Variants in CTNNA2 observed in about 807,000 individuals in gnomAD.
The protein encoded by CTNNA2 is catenin alpha 2.
In CTNNA2, 42 loss-of-function variants were observed where a neutral mutation model predicts 101.0. The observed-to-expected ratio is 0.42, with a 90% confidence interval of 0.32 to 0.54. The LOEUF (loss-of-function observed/expected upper bound fraction) is 0.54. CTNNA2 is among the 20% of genes least tolerant of loss of function. The pLI is 0.14. For synonymous variants in CTNNA2, 450 were observed against 456.4 expected, an observed-to-expected ratio of 0.99 and a Z score of 0.18; for missense variants, 871 against 1,223.1, an observed-to-expected ratio of 0.71 and a Z score of 4.29.
intron 7 of CTNNA2, among the ~76,000 whole-genome samples, chr2:79,933,523 C>A (rs535126824): frequency 6.6e-6 from 1 of 151,214 alleles, no homozygotes; most frequent in Admixed American, 6.6e-5. Context: ...GGCAAGATCT[C>A]GGCTCACTGC....
chr2:79,278,344 G>T (rs1473653154), intron 2 of CTNNA2, among the ~76,000 whole-genome samples: 1 of 152,090 alleles, frequency 6.6e-6, no homozygotes, highest in Non-Finnish European at 1.5e-5. Context: ...GAGAGACGGG[G>T]AAGAAGGAGC....
In CTNNA2 at chr2:79,499,876, G is replaced by A. The variant is rs117626434; in HGVS notation, c.-134-5178G>A. The stretch of plus-strand genomic sequence containing the variant: ...AAGATTTATTGTAAGTAATTGACTC[G>A]TGATTATGGAGGCTGGCAAGTCTAA... On this transcript the variant is annotated intron_variant, in intron 4 of 21. Transcript: ENST00000466387. Among the ~76,000 whole-genome samples, 29 of 152,322 alleles carry A rather than the reference G, an allele frequency of 1.9e-4. 1 individual carries two copies. In the East Asian group the frequency reaches 4.8e-3, roughly 25 times the overall value.
At chr2:79,883,692 GA>G (rs1458309985) in intron 6 of CTNNA2, among the ~76,000 whole-genome samples, 4 of 152,182 alleles carry the variant, frequency 2.6e-5, no homozygotes, top group Non-Finnish European at 4.4e-5. Context: ...AATTCCTACA[GA>G]ATTTTCTTAT....
intron 11 of CTNNA2, among the ~76,000 whole-genome samples, chr2:80,547,690 C>CTTTTTTTTTTTTTTTTTTTTTTTT (rs61186189): frequency 8.0e-6 from 1 of 124,314 alleles, no homozygotes. Flanking sequence ...GTCACTTCTG[C>CTTTTTTTTTTTTTTTTTTTTTTTT]TTTTTTTTTT....
intron 2 of CTNNA2, among the ~76,000 whole-genome samples, chr2:79,281,899 A>G (rs975806406): frequency 6.6e-6 from 1 of 152,212 alleles, no homozygotes; most frequent in Non-Finnish European, 1.5e-5. Flanking sequence ...ATATCCAGAA[A>G]ATAACAACTA....
intron 2 of CTNNA2, among the ~76,000 whole-genome samples, chr2:79,702,105 C>T (rs1685050252): frequency 6.7e-6 from 1 of 150,332 alleles, no homozygotes; most frequent in Admixed American, 6.6e-5. Flanking sequence ...GAATGGGGTA[C>T]TCAAAGTCTT....
intron 4 of CTNNA2, among the ~76,000 whole-genome samples, chr2:79,491,858 G>C (rs1415255275): frequency 6.6e-6 from 1 of 152,118 alleles, no homozygotes; most frequent in Non-Finnish European, 1.5e-5. Flanking sequence ...TTAAAAATCT[G>C]ATTCAAGTAC....
intron 7 of CTNNA2, among the ~76,000 whole-genome samples, chr2:80,277,339 C>T (rs1673986219): frequency 6.6e-6 from 1 of 152,006 alleles, no homozygotes; most frequent in African/African-American, 2.4e-5. Context: ...TTGATTAAGT[C>T]CTAATCTCTA....
intron 7 of CTNNA2, among the ~76,000 whole-genome samples, chr2:80,172,866 T>C (rs1049122281): frequency 3.9e-5 from 6 of 152,178 alleles, no homozygotes; most frequent in African/African-American, 1.4e-4. Context: ...TGCCGTTATT[T>C]ATCAAAACAC....
intron 7 of CTNNA2, among the ~76,000 whole-genome samples, chr2:80,383,384 G>A (rs953351920): frequency 1.8e-4 from 28 of 152,106 alleles, no homozygotes; most frequent in African/African-American, 6.5e-4. Context: ...AGCATTTCCT[G>A]ACCATGTCTT....
chr2:79,329,298 C>A (rs1450069144), intron 3 of CTNNA2, among the ~76,000 whole-genome samples: 1 of 152,140 alleles, frequency 6.6e-6, no homozygotes, highest in African/African-American at 2.4e-5. Context: ...AGATGGGCAT[C>A]ATGCTTACTA....
At chr2:79,962,451 A>G (rs1234680347) in intron 7 of CTNNA2, among the ~76,000 whole-genome samples, 1 of 152,236 alleles carries the variant, frequency 6.6e-6, no homozygotes, top group African/African-American at 2.4e-5. Context: ...GAGGGATACG[A>G]ACATTCAGAC....
intron 3 of CTNNA2, among the ~76,000 whole-genome samples, chr2:79,344,501 T>C (rs537074820): frequency 6.8e-4 from 103 of 152,120 alleles, no homozygotes; most frequent in African/African-American, 2.3e-3. Flanking sequence ...CCAGTGCACA[T>C]TGAAGAATTA....
intron 7 of CTNNA2, among the ~76,000 whole-genome samples, chr2:79,969,030 G>T (rs1031139132): frequency 5.3e-5 from 8 of 152,116 alleles, no homozygotes; most frequent in Admixed American, 3.9e-4. Context: ...TAGGCTCAGG[G>T]TAAGCAGTTT....
At chr2:80,570,305 T>A (rs984294880) in intron 12 of CTNNA2, among the ~76,000 whole-genome samples, 1 of 152,212 alleles carries the variant, frequency 6.6e-6, no homozygotes, top group African/African-American at 2.4e-5. Flanking sequence ...CACCTTGGCT[T>A]CCCAAAGTGC....
At chr2:79,267,964 G>C (rs72915188) in intron 2 of CTNNA2, among the ~76,000 whole-genome samples, 1 of 152,072 alleles carries the variant, frequency 6.6e-6, no homozygotes, top group Non-Finnish European at 1.5e-5. Context: ...AGGTGAGCAA[G>C]GCAGAATTCA....
At chr2:79,255,847 T>A (rs1674837894) in intron 2 of CTNNA2, among the ~76,000 whole-genome samples, 1 of 152,192 alleles carries the variant, frequency 6.6e-6, no homozygotes, top group Admixed American at 6.5e-5. Flanking sequence ...CTTAGCTTTA[T>A]TCCACATTCT....
At chr2:79,523,069 A>T in intron 1 of CTNNA2, 1 of 251,748 alleles carries the variant, frequency 4.0e-6, no homozygotes, top group Non-Finnish European at 8.1e-6. Context: ...TCATAGGTAT[A>T]TATAAATTTG....
At chr2:80,022,219 T>C (rs1369470358) in intron 7 of CTNNA2, among the ~76,000 whole-genome samples, 2 of 152,222 alleles carry the variant, frequency 1.3e-5, no homozygotes, top group African/African-American at 2.4e-5. Flanking sequence ...TGCTTAGTCA[T>C]CGTTTATTTA....
Sources: gnomAD v4.1 joint callset for allele counts (sites outside exome capture counted in the v4.1 genomes callset) on GRCh38, gnomAD v4.1.1 for gene constraint, MANE v1.5 for transcripts, NCBI Gene and HGNC (gene_info 2026-07-23, HGNC 2026-07-21) for gene names.